The following SLC24A3 variants were observed in gnomAD, a reference collection of about 807,000 sequenced individuals.
SLC24A3 encodes the protein sodium/potassium/calcium exchanger 3.
In SLC24A3, 28 loss-of-function variants were observed where a neutral mutation model predicts 75.8. The ratio of observed to expected loss-of-function variants is 0.37; its 90% CI spans 0.27 to 0.51. The LOEUF is 0.51. Ranked by LOEUF, SLC24A3 falls within the 20% of genes least tolerant of loss-of-function variation. The pLI is 0.94. For synonymous variants in SLC24A3, 372 were observed against 334.1 expected (o/e 1.11, Z -1.24); for missense variants, 663 against 847.8 (o/e 0.78, Z 2.71).
At chr20:19,600,578 C>CAG (rs1178290068) in intron 6 of SLC24A3, among the ~76,000 whole-genome samples, 1 of 152,150 alleles carries the variant, frequency 6.6e-6, no homozygotes, top group Non-Finnish European at 1.5e-5. Flanking sequence ...TGGCCTTGGG[C>CAG]AGAGAGAGTA....
rs112758327 is a variant in SLC24A3, at chr20:19,559,956, A to G, written c.349-20044A>G. Among the ~76,000 whole-genome samples, 71 of 152,236 alleles carry G rather than the reference A, an allele frequency of 4.7e-4. No homozygotes were observed. In the Middle Eastern group the frequency reaches 0.01, roughly 22 times the overall value. On this transcript the variant is annotated intron_variant, in intron 3 of 16. Transcript: ENST00000328041. ...AAACCCTGACATGTAGCATTTGCAA[A>G]TTTCCGTGGTGTAAATACTCACATG...
intron 15 of SLC24A3, among the ~76,000 whole-genome samples, chr20:19,712,032 G>A (rs1052129500): frequency 1.3e-5 from 2 of 151,990 alleles, no homozygotes; most frequent in Non-Finnish European, 2.9e-5. Flanking sequence ...CTGTAGCCTC[G>A]ACCTTCCCAG....
At chr20:19,676,257 G>A (rs892066229) in intron 9 of SLC24A3, among the ~76,000 whole-genome samples, 6 of 152,196 alleles carry the variant, frequency 3.9e-5, no homozygotes, top group Non-Finnish European at 7.3e-5. Flanking sequence ...TGTACAGTAA[G>A]ATAGTACAGC....
chr20:19,698,173 G>C (rs1015624165), intron 14 of SLC24A3, among the ~76,000 whole-genome samples: 3 of 152,064 alleles, frequency 2.0e-5, no homozygotes, highest in South Asian at 4.2e-4. Flanking sequence ...TCACAAAGCC[G>C]GTACCAATGG....
At chr20:19,510,834 G>A (rs559010935) in intron 2 of SLC24A3, among the ~76,000 whole-genome samples, 40 of 152,150 alleles carry the variant, frequency 2.6e-4, no homozygotes, top group African/African-American at 9.7e-4. Context: ...CCAAGTCTAC[G>A]GTATTCTGTT....
At chr20:19,402,016 T>C (rs1023194627) in intron 2 of SLC24A3, among the ~76,000 whole-genome samples, 1 of 152,206 alleles carries the variant, frequency 6.6e-6, no homozygotes, top group Non-Finnish European at 1.5e-5. Context: ...CTTAAATCCT[T>C]GTCTTGTTGT....
chr20:19,703,061 A>G (rs564824191), intron 15 of SLC24A3, among the ~76,000 whole-genome samples: 1 of 152,322 alleles, frequency 6.6e-6, no homozygotes, highest in East Asian at 1.9e-4. Flanking sequence ...TGGTGAACTG[A>G]ATCGGGGAGT....
At chr20:19,470,615 CAT>C (rs879924271) in intron 2 of SLC24A3, among the ~76,000 whole-genome samples, 47 of 152,298 alleles carry the variant, frequency 3.1e-4, no homozygotes, top group South Asian at 1.7e-3. Context: ...CACACACACA[CAT>C]AGACATGACT....
At chr20:19,446,600 G>A (rs1401362506) in intron 2 of SLC24A3, among the ~76,000 whole-genome samples, 1 of 152,196 alleles carries the variant, frequency 6.6e-6, no homozygotes, top group African/African-American at 2.4e-5. Flanking sequence ...ATGTCAGAAA[G>A]GGAAAGTGCT....
At chr20:19,652,251 A>G (rs1041317809) in intron 6 of SLC24A3, among the ~76,000 whole-genome samples, 2 of 152,216 alleles carry the variant, frequency 1.3e-5, no homozygotes, top group Admixed American at 1.3e-4. Context: ...GTATAACAAG[A>G]ACGGTAATGG....
chr20:19,665,139 C>A (rs796592418), intron 7 of SLC24A3, among the ~76,000 whole-genome samples: 5 of 152,292 alleles, frequency 3.3e-5, no homozygotes, highest in African/African-American at 1.2e-4. Context: ...GATGAGTAAA[C>A]CTCAGTGGGG....
chr20:19,311,115 C>T (rs1389750188), intron 2 of SLC24A3, among the ~76,000 whole-genome samples: 4 of 149,128 alleles, frequency 2.7e-5, no homozygotes, highest in Admixed American at 6.7e-5. Flanking sequence ...TCCTTTCTTC[C>T]TTTAGTGGAG....
chr20:19,717,692 T>C, intron 16 of SLC24A3, 99 bp downstream of exon 16: 3 of 1,313,402 alleles, frequency 2.3e-6, no homozygotes, highest in East Asian at 2.3e-5. Context: ...GGTGACTGGG[T>C]ACAAGCAACC....
chr20:19,531,111 A>G (rs962090702), intron 3 of SLC24A3, among the ~76,000 whole-genome samples: 4 of 150,876 alleles, frequency 2.7e-5, no homozygotes, highest in African/African-American at 9.9e-5. Context: ...GTCCACATGC[A>G]TCAGGATGGG....
chr20:19,546,780 CAGTCACCCTGCCT>C (rs2122593996), intron 3 of SLC24A3, among the ~76,000 whole-genome samples: 1 of 34,052 alleles, frequency 2.9e-5, no homozygotes, highest in South Asian at 1.2e-3. Flanking sequence ...TAGACCACTG[CAGTCACCCTGCCT>C]CCAGGAGGGG....
intron 1 of SLC24A3, among the ~76,000 whole-genome samples, chr20:19,263,845 C>T (rs573942516): frequency 6.6e-6 from 1 of 152,304 alleles, no homozygotes; most frequent in East Asian, 1.9e-4. Context: ...ACTGCCTATC[C>T]TCCCCTCAGT....
At chr20:19,580,251 G>A (rs986227966) in intron 4 of SLC24A3, among the ~76,000 whole-genome samples, 177 bp downstream of exon 4, 5 of 152,020 alleles carry the variant, frequency 3.3e-5, no homozygotes, top group African/African-American at 4.8e-5. Flanking sequence ...AAGTGTCATC[G>A]GTCTACTGAG....
At chr20:19,473,921 C>G (rs1436579507) in intron 2 of SLC24A3, among the ~76,000 whole-genome samples, 1 of 152,332 alleles carries the variant, frequency 6.6e-6, no homozygotes, top group East Asian at 1.9e-4. Flanking sequence ...TTCTAATGAA[C>G]TTTTATTAAT....
At chr20:19,573,628 G>A (rs1410259668) in intron 3 of SLC24A3, among the ~76,000 whole-genome samples, 1 of 152,198 alleles carries the variant, frequency 6.6e-6, no homozygotes, top group Non-Finnish European at 1.5e-5. Flanking sequence ...TGTCCTCAGG[G>A]CCCTGCTGCC....
Sources: allele counts gnomAD v4.1 joint callset (sites outside exome capture counted in the v4.1 genomes callset), GRCh38; gene constraint gnomAD v4.1.1; transcripts MANE v1.5; gene names NCBI Gene and HGNC (gene_info 2026-07-23, HGNC 2026-07-21).